FHL5: variants seen among roughly 807,000 people sequenced by gnomAD.
The protein encoded by FHL5 is four and a half LIM domains 5.
Under a neutral mutation model 32.0 loss-of-function variants are expected in FHL5, and 33 were observed. That is an observed-to-expected ratio of 1.03 (90% confidence interval 0.78 to 1.38). FHL5 has a LOEUF of 1.38. Among genes scored for constraint, FHL5 ranks in the 40% most tolerant of loss-of-function variants. FHL5 has a pLI of 0.00. For missense variants in FHL5, 336 were observed against 343.9 expected (o/e 0.98, Z 0.18); for synonymous variants, 114 against 113.6 (o/e 1.00, Z -0.02).
chr6:96,605,020 G>C lies in FHL5; in HGVS notation c.334+96G>C. On this transcript the variant is annotated intron_variant, in intron 3 of 5. Transcript: ENST00000450218. ...GAGTGCAGCAGCTCCCAAAACCCTG[G>C]TTTTGAGAAAGATATCTTTCTTACT... is the stretch of plus-strand genomic sequence containing the variant. 4 of 833,352 alleles carry C rather than the reference G, an allele frequency of 4.8e-6. No homozygotes were observed. In the South Asian group the frequency reaches 7.4e-5, roughly 15 times the overall value. 51.6% of individuals were successfully genotyped at this position (833,352 alleles called of 1,614,324 possible). A position where few individuals can be genotyped will look rare whatever the true frequency, so the allele number is the denominator to read the frequency against.
Position 96,605,983 on chromosome 6 carries a change from CA to C in FHL5, c.419del (p.Lys140SerfsTer3). Reference protein sequence around the residue: ...VCENCRQPIGTKPLISKESGN... With the variant: ...VCENCRQPIGXKPLISKESGN... Reference sequence around the variant, plus strand: ...GAGAATTGCCGACAACCTATAGGGACAAAGCCTTTGATCTCCAAAGAGAGTG... The same window carrying C: ...GAGAATTGCCGACAACCTATAGGGACAAGCCTTTGATCTCCAAAGAGAGTG... On this transcript the variant is annotated frameshift_variant, in exon 4 of 6. Coordinates refer to ENST00000450218, the MANE Select transcript of FHL5 (RefSeq NM_001322466.2). LOFTEE classifies it high-confidence loss of function. 6.2e-7 allele frequency: 1 copy of C among 1,614,024 alleles called. No individual in the cohort carries two copies. The highest frequency in any genetic ancestry group is 1.1e-5 in the South Asian group (1 of 91,076).
chr6:96,586,285 G>T (rs1323335575), intron 1 of FHL5, among the ~76,000 whole-genome samples: 4 of 152,276 alleles, frequency 2.6e-5, no homozygotes, highest in South Asian at 4.1e-4. Flanking sequence ...AAAAAACATT[G>T]AATCTGTGAG....
In FHL5 at chr6:96,603,720, T is replaced by C. The variant is rs1771206279; in HGVS notation, c.107T>C (p.Val36Ala). 3.7e-6 allele frequency: 6 copies of C among 1,612,262 alleles called. No individual in the cohort carries two copies. Among genetic ancestry groups the C allele is most frequent in the South Asian group, 1.1e-5 (1 of 90,634 alleles). ...SPYCVTCYDR[V>A]FSNYCEECKK... The stretch of plus-strand genomic sequence containing the variant: ...TACTGTGTTACATGTTATGATCGTG[T>C]ATTTTCTAACTATTGCGAGGAATGC... The change falls in exon 2 of 6, where the codon GTA (valine) becomes GCA (alanine). Residue 36 changes from valine to alanine, a missense_variant. Physicochemically the swap from Val to Ala is moderately conservative, Grantham distance 64. Coordinates refer to ENST00000450218, the MANE Select transcript of FHL5 (RefSeq NM_001322466.2).
chr6:96,593,747 C>A (rs2127968085), intron 1 of FHL5, among the ~76,000 whole-genome samples: 1 of 152,170 alleles, frequency 6.6e-6, no homozygotes, highest in South Asian at 2.1e-4. Flanking sequence ...AAGCAAATAC[C>A]AAGCTCATCT....
At chr6:96,601,068 G>T (rs1201096123) in intron 1 of FHL5, among the ~76,000 whole-genome samples, 2 of 152,232 alleles carry the variant, frequency 1.3e-5, no homozygotes, top group African/African-American at 4.8e-5. Flanking sequence ...AGGCGCGGTG[G>T]CTCACGCCTG....
chr6:96,591,072 C>A (rs187969904), intron 1 of FHL5, among the ~76,000 whole-genome samples: 1 of 152,116 alleles, frequency 6.6e-6, no homozygotes, highest in Admixed American at 6.5e-5. Context: ...GATTTTGATA[C>A]CAAAGTGTTA....
intron 4 of FHL5, among the ~76,000 whole-genome samples, chr6:96,608,157 T>G (rs1286005350): frequency 6.6e-6 from 1 of 152,192 alleles, no homozygotes; most frequent in Non-Finnish European, 1.5e-5. Context: ...TATCCTAAAA[T>G]CATTTATCAG....
chr6:96,578,224 T>G (rs994908124), intron 1 of FHL5, among the ~76,000 whole-genome samples: 13 of 152,210 alleles, frequency 8.5e-5, no homozygotes, highest in African/African-American at 1.4e-4. Context: ...CCTTTCCTCT[T>G]TCTCCTTCTC....
At position 96,604,778 on chromosome 6, in the gene FHL5, A is replaced by T. The variant is rs1771234233; in HGVS notation, c.188A>T (p.His63Leu). ...KDLCYKDRHW[H>L]EGCFKCTKCN... ...CTTTGTTACAAAGACCGGCACTGGC[A>T]TGAAGGATGCTTCAAGTGCACCAAA... The change falls in exon 3 of 6, where the codon CAT (histidine) becomes CTT (leucine). Residue 63 changes from histidine to leucine, a missense_variant. His to Leu is a moderately conservative substitution (Grantham distance 99). Coordinates refer to ENST00000450218, the MANE Select transcript of FHL5 (RefSeq NM_001322466.2). The T allele has an allele frequency of 6.2e-7, 1 of 1,613,584 alleles. No homozygotes were observed. Among genetic ancestry groups the T allele is most frequent in the Non-Finnish European group, 8.5e-7 (1 of 1,179,782 alleles).
intron 1 of FHL5, among the ~76,000 whole-genome samples, chr6:96,575,174 C>A (rs1770558895): frequency 6.6e-6 from 1 of 152,162 alleles, no homozygotes; most frequent in Admixed American, 6.5e-5. Flanking sequence ...GTATGTCTCT[C>A]TCATTCCTCT....
intron 1 of FHL5, among the ~76,000 whole-genome samples, chr6:96,576,540 C>A (rs186984923): frequency 2.6e-5 from 4 of 152,336 alleles, no homozygotes; most frequent in East Asian, 1.9e-4. Context: ...TACTTTACTG[C>A]CAAGCACCAT....
intron 3 of FHL5, 84 bp from the exon 4 acceptor site, chr6:96,605,818 T>A: frequency 8.9e-7 from 1 of 1,123,286 alleles, no homozygotes; most frequent in South Asian, 1.8e-5. Context: ...ACTTAAAACG[T>A]TTTTAAGTAA....
At chr6:96,572,066 T>A (rs1770490645) in intron 1 of FHL5, among the ~76,000 whole-genome samples, 1 of 152,088 alleles carries the variant, frequency 6.6e-6, no homozygotes, top group South Asian at 2.1e-4. Context: ...AGTCTAAAAT[T>A]GTTCAGTTTA....
chr6:96,596,374 A>G (rs1048981155), intron 1 of FHL5, among the ~76,000 whole-genome samples: 1 of 152,176 alleles, frequency 6.6e-6, no homozygotes, highest in Non-Finnish European at 1.5e-5. Flanking sequence ...AGCAATGAGC[A>G]TCTTGTCACT....
rs1770757947 is a variant in FHL5, at chr6:96,584,461, T to TGTTTG, written c.-12-19141_-12-19140insGTTTG. 5.0e-4 allele frequency among the ~76,000 whole-genome samples: 43 copies of TGTTTG among 85,306 alleles called. 1 individual carries two copies. Among genetic ancestry groups the TGTTTG allele is most frequent in the Middle Eastern group, 6.0e-3 (1 of 166 alleles). 56.0% of individuals were successfully genotyped at this position (85,306 alleles called of 152,430 possible). On this transcript the variant is annotated intron_variant, in intron 1 of 5. Coordinates refer to ENST00000450218, the MANE Select transcript of FHL5 (RefSeq NM_001322466.2). ...TGTGTGTGTGTGTGTGTGTGTGTGT[T>TGTTTG]TGTGTGTGTGTGTGTGTGTGTGTGT...
chr6:96,604,745 C>G lies in FHL5; in HGVS notation c.160-5C>G, dbSNP rs1470300660. The G allele has an allele frequency of 1.9e-6, 3 of 1,601,916 alleles. No individual in the cohort carries two copies. In the African/African-American group the frequency reaches 4.0e-5, roughly 22 times the overall value. On this transcript the variant is annotated splice_region_variant and splice_polypyrimidine_tract_variant and intron_variant, in intron 2 of 5. Coordinates refer to ENST00000450218, the MANE Select transcript of FHL5 (RefSeq NM_001322466.2). ...TTTAATTAACTTTTATTTACTGTCT[C>G]AAAGGATCTTTGTTACAAAGACCGG... is the stretch of plus-strand genomic sequence containing the variant.
intron 1 of FHL5, among the ~76,000 whole-genome samples, chr6:96,598,225 CT>C (rs1485844729): frequency 6.6e-6 from 1 of 152,194 alleles, no homozygotes; most frequent in Admixed American, 6.5e-5. Context: ...CCCTGGCATT[CT>C]GAATGGATAG....
chr6:96,587,559 A>G (rs950044857), intron 1 of FHL5, among the ~76,000 whole-genome samples: 15 of 152,206 alleles, frequency 9.9e-5, no homozygotes, highest in African/African-American at 3.6e-4. Context: ...TAACTTTTTG[A>G]AGTCTCCTTA....
intron 1 of FHL5, among the ~76,000 whole-genome samples, chr6:96,564,351 A>ATGCTTTAAGCCATAATCCAAAT (rs1463754826): frequency 6.6e-6 from 1 of 152,192 alleles, no homozygotes; most frequent in Non-Finnish European, 1.5e-5. Flanking sequence ...GTTATGATAT[A>ATGCTTTAAGCCATAATCCAAAT]TGCTTTAAGC....
Sources: allele counts gnomAD v4.1 joint callset (sites outside exome capture counted in the v4.1 genomes callset), GRCh38; gene constraint gnomAD v4.1.1; transcripts MANE v1.5; gene names NCBI Gene and HGNC (gene_info 2026-07-23, HGNC 2026-07-21).